EPHA6: variants seen among roughly 807,000 people sequenced by gnomAD.
EPHA6 encodes the protein ephrin type-A receptor 6.
In EPHA6, 50 loss-of-function variants were observed where a neutral mutation model predicts 112.0. The ratio of observed to expected loss-of-function variants is 0.45; its 90% CI spans 0.36 to 0.56. EPHA6 has a LOEUF of 0.56. EPHA6 is among the 20% of genes least tolerant of loss of function. The probability of loss-of-function intolerance (pLI) is 0.00; values close to 1 mark genes in which losing one functional copy is unlikely to be tolerated. For synonymous variants in EPHA6, 529 were observed against 490.7 expected, an observed-to-expected ratio of 1.08 and a Z score of -1.03; for missense variants, 1,280 against 1,417.4, an observed-to-expected ratio of 0.90 and a Z score of 1.56.
At chr3:97,226,734 G>T (rs1374837268) in intron 4 of EPHA6, among the ~76,000 whole-genome samples, 1 of 152,164 alleles carries the variant, frequency 6.6e-6, no homozygotes, top group Non-Finnish European at 1.5e-5. Flanking sequence ...TGCATGAGAA[G>T]TTATGAACAA....
chr3:97,562,213 A>T (rs996746678), intron 11 of EPHA6, among the ~76,000 whole-genome samples: 1 of 152,298 alleles, frequency 6.6e-6, no homozygotes, highest in East Asian at 1.9e-4. Context: ...ACTACATTTC[A>T]TAAAGCTATA....
chr3:97,563,991 C>G (rs1474337982), intron 11 of EPHA6, among the ~76,000 whole-genome samples: 1 of 151,972 alleles, frequency 6.6e-6, no homozygotes, highest in Non-Finnish European at 1.5e-5. Flanking sequence ...GCTGATAATT[C>G]AGAAGATGGA....
At chr3:97,221,339 G>GAAAAAAAAAAAA (rs2078192595) in intron 3 of EPHA6, among the ~76,000 whole-genome samples, 2 of 118,846 alleles carry the variant, frequency 1.7e-5, no homozygotes, top group African/African-American at 7.3e-5. Flanking sequence ...AAAAAAAAAG[G>GAAAAAAAAAAAA]AAAGTAACGA....
chr3:97,608,069 A>G (rs1379106535), intron 12 of EPHA6, among the ~76,000 whole-genome samples: 1 of 150,844 alleles, frequency 6.6e-6, no homozygotes, highest in Non-Finnish European at 1.5e-5. Context: ...GACAAATTAC[A>G]GGCTAGATGG....
intron 14 of EPHA6, among the ~76,000 whole-genome samples, chr3:97,651,338 C>T (rs906778291): frequency 5.9e-5 from 9 of 151,818 alleles, no homozygotes; most frequent in Non-Finnish European, 1.0e-4. Context: ...AAAGCACTTA[C>T]AATGATGGGT....
intron 16 of EPHA6, among the ~76,000 whole-genome samples, chr3:97,743,982 T>C (rs1181949349): frequency 1.3e-5 from 2 of 151,998 alleles, no homozygotes; most frequent in Non-Finnish European, 1.5e-5. Flanking sequence ...AAAGGGCTCA[T>C]TAGAGTAAAA....
rs73848548 is a variant in EPHA6, at chr3:97,081,056, T to G, written c.1114+93063T>G. On this transcript the variant is annotated intron_variant, in intron 3 of 17. Coordinates refer to ENST00000389672, the MANE Select transcript of EPHA6 (RefSeq NM_001080448.3). The stretch of plus-strand genomic sequence containing the variant: ...TGACTTGCTATAGTTTTGTTTAGTT[T>G]TGTATTCCTCAACATAATGCCATAT... Among the ~76,000 whole-genome samples, 460 of 151,952 alleles carry G rather than the reference T, an allele frequency of 3.0e-3. 1 individual carries two copies. The highest frequency in any genetic ancestry group is 9.7e-3 in the African/African-American group (403 of 41,512).
chr3:97,065,966 A>G (rs1297999511), intron 3 of EPHA6, among the ~76,000 whole-genome samples: 1 of 152,088 alleles, frequency 6.6e-6, no homozygotes, highest in Non-Finnish European at 1.5e-5. Context: ...TAATTGAGAA[A>G]CAACTCTAAA....
At chr3:97,489,977 A>G (rs980970471) in intron 10 of EPHA6, among the ~76,000 whole-genome samples, 1 of 152,102 alleles carries the variant, frequency 6.6e-6, no homozygotes, top group African/African-American at 2.4e-5. Context: ...AACACCGTAC[A>G]TCTTATTTGG....
intron 13 of EPHA6, among the ~76,000 whole-genome samples, chr3:97,625,944 G>T (rs748276996): frequency 6.6e-6 from 1 of 151,660 alleles, no homozygotes; most frequent in Non-Finnish European, 1.5e-5. Flanking sequence ...TGAGGAACAT[G>T]CATAAATTGA....
intron 6 of EPHA6, among the ~76,000 whole-genome samples, chr3:97,428,089 T>C (rs2089274657): frequency 6.6e-6 from 1 of 152,276 alleles, no homozygotes. Context: ...GAATAGTGTA[T>C]ATTAGTGAAA....
chr3:96,928,091 T>C (rs1309519773), intron 2 of EPHA6, among the ~76,000 whole-genome samples: 1 of 152,200 alleles, frequency 6.6e-6, no homozygotes. Flanking sequence ...CCCCATGACA[T>C]GATCACCTCT....
intron 3 of EPHA6, among the ~76,000 whole-genome samples, chr3:97,118,925 A>G (rs1324306144): frequency 6.6e-6 from 1 of 151,968 alleles, no homozygotes; most frequent in African/African-American, 2.4e-5. Context: ...TCTAGATTCT[A>G]CTAAGTAATA....
chr3:97,527,067 A>G lies in EPHA6; in HGVS notation c.2201-5291A>G, dbSNP rs373051745. Among the ~76,000 whole-genome samples, 4 of 152,260 alleles carry G rather than the reference A, an allele frequency of 2.6e-5. No homozygotes were observed. In the East Asian group the frequency reaches 5.8e-4, roughly 22 times the overall value. On this transcript the variant is annotated intron_variant, in intron 10 of 17. Transcript: ENST00000389672. Reference sequence around the variant, plus strand: ...TAGAATTACAGCTAAAGGGGGCTGGAGCCAAAAGCTGTTACAGGATAGCTT... The same window carrying G: ...TAGAATTACAGCTAAAGGGGGCTGGGGCCAAAAGCTGTTACAGGATAGCTT...
intron 6 of EPHA6, among the ~76,000 whole-genome samples, chr3:97,408,868 C>G (rs1482174884): frequency 6.6e-6 from 1 of 152,014 alleles, no homozygotes; most frequent in Non-Finnish European, 1.5e-5. Context: ...CAGACTCTAA[C>G]AGTTATATTT....
chr3:96,828,210 A>T (rs2033792220), intron 1 of EPHA6, among the ~76,000 whole-genome samples: 3 of 152,088 alleles, frequency 2.0e-5, no homozygotes, highest in African/African-American at 7.2e-5. Flanking sequence ...GGTTCTACTA[A>T]ACTTTTGCCC....
chr3:97,747,353 G>A (rs1412815168), intron 16 of EPHA6, 70 bp from the exon 17 acceptor site: 1 of 1,287,842 alleles, frequency 7.8e-7, no homozygotes, highest in East Asian at 2.9e-5. Flanking sequence ...TAAAAATAAA[G>A]TTCCGTGATT....
chr3:97,736,466 A>T (rs62264174), intron 16 of EPHA6, among the ~76,000 whole-genome samples: 6,013 of 111,384 alleles, frequency 0.054, 127 homozygotes, highest in Non-Finnish European at 0.067. Context: ...AGAGAGAGAG[A>T]GAGAGTGTGT....
chr3:97,548,446 T>C (rs932771497), intron 11 of EPHA6, among the ~76,000 whole-genome samples: 1 of 152,220 alleles, frequency 6.6e-6, no homozygotes, highest in Non-Finnish European at 1.5e-5. Context: ...GGAGGGATAA[T>C]TTAGGCTTTG....
Sources: allele counts gnomAD v4.1 joint callset (sites outside exome capture counted in the v4.1 genomes callset), GRCh38; gene constraint gnomAD v4.1.1; transcripts MANE v1.5; gene names NCBI Gene and HGNC (gene_info 2026-07-23, HGNC 2026-07-21).